The following TMSB4X variants were observed in gnomAD, a reference collection of about 807,000 sequenced individuals.
The protein encoded by TMSB4X is thymosin beta 4 X-linked, also known as thymosin beta-4.
Under a neutral mutation model 3.6 loss-of-function variants are expected in TMSB4X, and 1 was observed. That is an observed-to-expected ratio of 0.28 (90% confidence interval 0.10 to 1.32). The LOEUF is 1.32. TMSB4X is among the 40% of genes most tolerant of loss of function. TMSB4X has a pLI of 0.45. For synonymous variants in TMSB4X, 12 were observed against 14.3 expected (o/e 0.84, Z 0.36); for missense variants, 6 against 32.7 (o/e 0.18, Z 1.99).
At chrX:12,975,960 T>C in intron 1 of TMSB4X, 2 of 195,227 alleles carry the variant, frequency 1.0e-5, no homozygotes, top group Non-Finnish European at 1.9e-5. Context: ...ACGCTGTAAT[T>C]AACAATTCGC....
At chrX:12,975,281 C>A (rs187557515) in intron 1 of TMSB4X, 113 bp downstream of exon 1, 24 of 113,418 alleles carry the variant, frequency 2.1e-4, no homozygotes, top group African/African-American at 7.5e-4. Flanking sequence ...GAGTGGTTCT[C>A]CCCGGGAAGG....
intron 1 of TMSB4X, chrX:12,975,919 T>C (rs922609766): frequency 7.5e-6 from 1 of 133,033 alleles, no homozygotes; most frequent in Non-Finnish European, 1.5e-5. Flanking sequence ...TTTCCTCTTC[T>C]TTCCTTGTCC....
Position 12,976,979 on chromosome X carries a change from C to A in TMSB4X, c.*168C>A, listed in dbSNP as rs2043299832. On this transcript the variant is annotated 3_prime_UTR_variant, in exon 3 of 3. Transcript: ENST00000451311. ...CTACTGACAACGAAGGCCGCGCCTG[C>A]CTTTCCCATCTGTCTATCTATCTGG... 1 of 578,965 alleles carries A rather than the reference C, an allele frequency of 1.7e-6. No individual in the cohort carries two copies. Among genetic ancestry groups the A allele is most frequent in the Non-Finnish European group, 2.8e-6 (1 of 359,755 alleles). The allele number at this position is 578,965 out of a possible 1,213,427, so 47.7% of individuals were successfully genotyped here.
At chrX:12,975,635 G>A (rs2043291385) in intron 1 of TMSB4X, 1 of 113,728 alleles carries the variant, frequency 8.8e-6, no homozygotes, top group Non-Finnish European at 1.9e-5. Context: ...GTGTGCCAGG[G>A]ATGCCGAATT....
At chrX:12,976,151 G>T in intron 1 of TMSB4X, 95 bp from the exon 2 acceptor site, 2 of 612,007 alleles carry the variant, frequency 3.3e-6, no homozygotes, top group Non-Finnish European at 2.7e-6. Context: ...GTTTTTTTCA[G>T]GCTGCGGGTC....
At chrX:12,975,376 A>G (rs1228933230) in intron 1 of TMSB4X, 1 of 113,734 alleles carries the variant, frequency 8.8e-6, no homozygotes, top group Non-Finnish European at 1.9e-5. Context: ...AACAAAACCG[A>G]AAAACTGGCG....
At chrX:12,975,780 G>A (rs1467208758) in intron 1 of TMSB4X, 1 of 114,289 alleles carries the variant, frequency 8.7e-6, no homozygotes, top group Non-Finnish European at 1.9e-5. Context: ...CTTTGTGAGA[G>A]GACTAGAAAG....
At chrX:12,976,071 T>G in intron 1 of TMSB4X, 175 bp from the exon 2 acceptor site, 3 of 379,637 alleles carry the variant, frequency 7.9e-6, no homozygotes, top group Non-Finnish European at 1.4e-5. Context: ...GCGCGGGGGG[T>G]GTCGCCTCTT....
At position 12,976,379 on chromosome X, in the gene TMSB4X, C is replaced by T. The variant is rs1174664672; in HGVS notation, c.100+18C>T. The T allele has an allele frequency of 8.4e-7, 1 of 1,191,120 alleles. No homozygotes were observed. The highest frequency in any genetic ancestry group is 2.2e-5 in the Admixed American group (1 of 45,899). On this transcript the variant is annotated intron_variant, in intron 2 of 2. Transcript: ENST00000451311. ...CAAAGAAAGTGAGCTCCGACCCACCCCCATCTTTAGAAAGGCTGGGTGGGA... is the reference window on the plus strand; with the variant it reads ...CAAAGAAAGTGAGCTCCGACCCACCTCCATCTTTAGAAAGGCTGGGTGGGA...
Position 12,976,267 on chromosome X carries a change from T to C in TMSB4X, c.6T>C (p.Ser2=). M[S]DKPDMAEIEK... ...GCAGCTTTTCCTCCGCAACCATGTC[T>C]GACAAACCCGATATGGCTGAGATCG... is the stretch of plus-strand genomic sequence containing the variant. Residue 2 remains serine, a synonymous_variant, in exon 2 of 3, where the codon TCT becomes TCC. Coordinates refer to ENST00000451311, the MANE Select transcript of TMSB4X (RefSeq NM_021109.4). 4.1e-6 allele frequency: 5 copies of C among 1,210,461 alleles called. No individual in the cohort carries two copies. Among genetic ancestry groups the C allele is most frequent in the Non-Finnish European group, 5.6e-6 (5 of 894,547 alleles).
chrX:12,976,748 CTT>C (rs138495959), intron 2 of TMSB4X, 27 bp from the exon 3 acceptor site: 24,972 of 979,063 alleles, frequency 0.026, no homozygotes, highest in East Asian at 0.13. Context: ...CTCCCTCCAT[CTT>C]TTTTTTTTTT....
In TMSB4X at chrX:12,976,847, A is replaced by G. The variant is rs770442509; in HGVS notation, c.*36A>G. The G allele has an allele frequency of 1.5e-5, 17 of 1,160,788 alleles. 2 individuals carry two copies. The South Asian group carries it at 1.7e-4, about 11-fold the overall frequency. On this transcript the variant is annotated 3_prime_UTR_variant, in exon 3 of 3. Transcript: ENST00000451311. ...GCCGCCAATATGCACTGTACATTCCACAAGCATTGCCTTCTTATTTTACTT... is the reference window on the plus strand; with the variant it reads ...GCCGCCAATATGCACTGTACATTCCGCAAGCATTGCCTTCTTATTTTACTT...
At chrX:12,976,643 T>C (rs1260696978) in intron 2 of TMSB4X, 134 bp from the exon 3 acceptor site, 1 of 710,846 alleles carries the variant, frequency 1.4e-6, no homozygotes, top group Non-Finnish European at 2.2e-6. Flanking sequence ...AATATACATA[T>C]TTTATTCCAT....
At chrX:12,976,572 A>G (rs1232427679) in intron 2 of TMSB4X, among the ~76,000 whole-genome samples, 2 of 112,025 alleles carry the variant, frequency 1.8e-5, no homozygotes, top group East Asian at 5.5e-4. Context: ...TGGAATATTT[A>G]ATATGCCATA....
At chrX:12,976,211 C>G in intron 1 of TMSB4X, 35 bp from the exon 2 acceptor site, 2 of 1,099,558 alleles carry the variant, frequency 1.8e-6, no homozygotes, top group African/African-American at 1.8e-5. Flanking sequence ...GCGGGTGGCT[C>G]TTCCTCACGC....
chrX:12,976,764 TTTC>T lies in TMSB4X; in HGVS notation c.101-11_101-9del. 1 of 1,192,239 alleles carries T rather than the reference TTTC, an allele frequency of 8.4e-7. No homozygotes were observed. The highest frequency in any genetic ancestry group is 2.5e-5 in the Admixed American group (1 of 40,619). On this transcript the variant is annotated splice_polypyrimidine_tract_variant and intron_variant, in intron 2 of 2. Transcript: ENST00000451311. Reference sequence around the variant, plus strand: ...TCCCTCCATCTTTTTTTTTTTTTTTTTTCTGGTCACAGCGATTGAACAGGAGAA... The same window carrying T: ...TCCCTCCATCTTTTTTTTTTTTTTTTTGGTCACAGCGATTGAACAGGAGAA...
intron 1 of TMSB4X, chrX:12,976,038 G>A (rs1602476492): frequency 2.6e-6 from 1 of 384,614 alleles, no homozygotes; most frequent in Non-Finnish European, 4.6e-6. Flanking sequence ...GGTCCACAGC[G>A]TTTTGAAATA....
At chrX:12,976,395 C>T (rs2043296339) in intron 2 of TMSB4X, 34 bp downstream of exon 2, 2 of 998,161 alleles carry the variant, frequency 2.0e-6, no homozygotes, top group Non-Finnish European at 2.7e-6. Context: ...TTTAGAAAGG[C>T]TGGGTGGGAG....
At chrX:12,976,093 A>G (rs2043294520) in intron 1 of TMSB4X, 153 bp from the exon 2 acceptor site, 7 of 424,893 alleles carry the variant, frequency 1.6e-5, no homozygotes, top group Non-Finnish European at 2.9e-5. Context: ...TTCTGTAGAA[A>G]GAGGAAGCTC....
Sources: gnomAD v4.1 joint callset for allele counts (sites outside exome capture counted in the v4.1 genomes callset) on GRCh38, gnomAD v4.1.1 for gene constraint, MANE v1.5 for transcripts, NCBI Gene and HGNC (gene_info 2026-07-23, HGNC 2026-07-21) for gene names.